The following KIF11 variants were observed in gnomAD, a reference collection of about 807,000 sequenced individuals.
The protein encoded by KIF11 is kinesin family member 11.
KIF11 carries 9 observed loss-of-function variants against 121.0 expected under a neutral mutation model. The ratio of observed to expected loss-of-function variants is 0.07; its 90% CI spans 0.04 to 0.13. The LOEUF (loss-of-function observed/expected upper bound fraction) is 0.13, where lower values mean the gene tolerates loss of function less well. KIF11 is among the 10% of genes least tolerant of loss of function. KIF11 has a pLI of 1.00. For missense variants in KIF11, 846 were observed against 1,217.5 expected (o/e 0.69, Z 4.54); for synonymous variants, 408 against 421.0 (o/e 0.97, Z 0.38).
In KIF11 at chr10:92,653,742, A is replaced by G. The variant is rs756899107; in HGVS notation, c.3117A>G (p.Thr1039=). 6 of 1,613,862 alleles carry G rather than the reference A, an allele frequency of 3.7e-6. 1 individual carries two copies. In the South Asian group the frequency reaches 5.5e-5, roughly 15 times the overall value. The change falls in exon 22 of 22, where the codon ACA becomes ACG. Residue 1039 remains threonine, a synonymous_variant. Transcript: ENST00000260731. ...TLERSKVEET[T]EHLVTKSRLP... ...AGAGGTCTAAAGTGGAAGAAACTAC[A>G]GAGCACTTGGTTACAAAGAGCAGAT...
At chr10:92,608,230 G>T (rs1415328681) in intron 4 of KIF11, among the ~76,000 whole-genome samples, 2 of 150,470 alleles carry the variant, frequency 1.3e-5, no homozygotes, top group African/African-American at 4.9e-5. Flanking sequence ...TCCCACTTCA[G>T]CCTCCTGAGT....
intron 9 of KIF11, among the ~76,000 whole-genome samples, chr10:92,620,804 T>C (rs1844608406): frequency 6.6e-6 from 1 of 152,166 alleles, no homozygotes; most frequent in Non-Finnish European, 1.5e-5. Flanking sequence ...TGAGACCCAT[T>C]CCCTGTAATG....
chr10:92,645,758 C>A, intron 18 of KIF11, 116 bp downstream of exon 18: 5 of 788,796 alleles, frequency 6.3e-6, no homozygotes, highest in Non-Finnish European at 9.9e-6. Flanking sequence ...ATGACTTAAA[C>A]TTTTAAGTAT....
chr10:92,614,065 C>CACACACACACACAT lies in KIF11; in HGVS notation c.1032+447_1032+448insCACACACACACATA, dbSNP rs1491391031. Among the ~76,000 whole-genome samples the CACACACACACACAT allele has an allele frequency of 2.1e-3, 246 of 116,474 alleles. 3 individuals carry two copies. Among genetic ancestry groups the CACACACACACACAT allele is most frequent in the African/African-American group, 8.3e-3 (234 of 28,272 alleles). The allele number at this position is 116,474 out of a possible 152,430, so 76.4% of individuals were successfully genotyped here. A position where few individuals can be genotyped will look rare whatever the true frequency, so the allele number is the denominator to read the frequency against. On this transcript the variant is annotated intron_variant, in intron 8 of 21. Transcript: ENST00000260731. ...ACACACACACACACACACACACACA[C>CACACACACACACAT]ATATAGTAGGGAAAAAAAGTTCATT... is the stretch of plus-strand genomic sequence containing the variant.
chr10:92,634,088 A>G (rs911686595), intron 14 of KIF11, among the ~76,000 whole-genome samples: 3 of 151,732 alleles, frequency 2.0e-5, no homozygotes, highest in Non-Finnish European at 4.4e-5. Flanking sequence ...GGTTCATGCC[A>G]TTCTCCTGCC....
At position 92,655,222 on chromosome 10, in the gene KIF11, T is replaced by C. The variant is rs982996393; in HGVS notation, c.*1426T>C. 1.3e-5 allele frequency: 2 copies of C among 152,364 alleles called. No homozygotes were observed. The highest frequency in any genetic ancestry group is 4.8e-5 in the African/African-American group (2 of 41,448). The allele number at this position is 152,364 out of a possible 1,614,324, so 9.4% of individuals were successfully genotyped here. A position where few individuals can be genotyped will look rare whatever the true frequency, so the allele number is the denominator to read the frequency against. On this transcript the variant is annotated 3_prime_UTR_variant, in exon 22 of 22. Transcript: ENST00000260731. Reference sequence around the variant, plus strand: ...GATAGCTAAATTAAACCAAACCCTATTGAAGAATTGAATATATGCTACTTC... The same window carrying C: ...GATAGCTAAATTAAACCAAACCCTACTGAAGAATTGAATATATGCTACTTC...
chr10:92,645,465 T>A lies in KIF11; in HGVS notation c.2370T>A (p.Gly790=). The A allele has an allele frequency of 6.2e-7, 1 of 1,613,994 alleles. No individual in the cohort carries two copies. The highest frequency in any genetic ancestry group is 8.5e-7 in the Non-Finnish European group (1 of 1,179,896). The change falls in exon 18 of 22, where the codon GGT becomes GGA. Residue 790 remains glycine (G), a synonymous_variant. Coordinates refer to ENST00000260731, the MANE Select transcript of KIF11 (RefSeq NM_004523.4). The part of the protein sequence containing the change: ...SQELRNFNQE[G]TKLVEESVKH... ...AACTCAGAAATTTTAACCAAGAAGG[T>A]ACAAAATTGGTTGAAGAATCTGTGA...
At chr10:92,648,543 T>C in intron 19 of KIF11, 109 bp downstream of exon 19, 4 of 638,492 alleles carry the variant, frequency 6.3e-6, no homozygotes, top group Non-Finnish European at 1.1e-5. Flanking sequence ...GACAGAAATT[T>C]AACATCTCAC....
chr10:92,652,588 C>T (rs1264638408), intron 21 of KIF11, among the ~76,000 whole-genome samples: 1 of 152,166 alleles, frequency 6.6e-6, no homozygotes, highest in Non-Finnish European at 1.5e-5. Flanking sequence ...CAAATTCTTG[C>T]CACCTTTTGC....
intron 9 of KIF11, among the ~76,000 whole-genome samples, chr10:92,617,178 G>A (rs1844565934): frequency 6.6e-6 from 1 of 152,120 alleles, no homozygotes; most frequent in Non-Finnish European, 1.5e-5. Flanking sequence ...ACAGAGTTGT[G>A]GAGTATAACC....
intron 1 of KIF11, among the ~76,000 whole-genome samples, chr10:92,602,915 G>A (rs550623637): frequency 5.0e-4 from 76 of 151,276 alleles, no homozygotes; most frequent in African/African-American, 1.6e-3. Flanking sequence ...GGGTGCAATG[G>A]CGCGATCTCG....
At chr10:92,640,607 A>C (rs1844854697) in intron 17 of KIF11, among the ~76,000 whole-genome samples, 1 of 151,358 alleles carries the variant, frequency 6.6e-6, no homozygotes, top group Non-Finnish European at 1.5e-5. Context: ...AATTTTTTGT[A>C]TTTTTAGTAG....
At position 92,649,930 on chromosome 10, in the gene KIF11, C is replaced by G. The variant is rs1367664894; in HGVS notation, c.2866C>G (p.Pro956Ala). ...HLLDQLKRKQ[P>A]ELLMMLNCSE... ...CCTTGATCAGCTGAAAAGGAAACAG[C>G]CTGAGCTGTTAATGATGCTAAACTG... Residue 956 changes from proline to alanine, a missense_variant, in exon 20 of 22, where the codon CCT (proline) becomes GCT (alanine). Physicochemically the swap from Pro to Ala is conservative, Grantham distance 27. Coordinates refer to ENST00000260731, the MANE Select transcript of KIF11 (RefSeq NM_004523.4). 17 of 1,613,188 alleles carry G rather than the reference C, an allele frequency of 1.1e-5. No homozygotes were observed. The highest frequency in any genetic ancestry group is 1.4e-5 in the Non-Finnish European group (17 of 1,179,382).
intron 17 of KIF11, among the ~76,000 whole-genome samples, chr10:92,641,109 A>G (rs1844862111): frequency 6.6e-6 from 1 of 152,168 alleles, no homozygotes; most frequent in Non-Finnish European, 1.5e-5. Context: ...TACTTAACAT[A>G]CACTACAGTC....
chr10:92,652,744 T>C (rs957852518), intron 21 of KIF11, among the ~76,000 whole-genome samples: 1 of 152,338 alleles, frequency 6.6e-6, no homozygotes, highest in African/African-American at 2.4e-5. Context: ...ATTATTATTA[T>C]CTGTGGCATT....
At chr10:92,616,870 TG>T in intron 9 of KIF11, 38 bp downstream of exon 9, 2 of 1,137,542 alleles carry the variant, frequency 1.8e-6, no homozygotes, top group East Asian at 2.4e-5. Flanking sequence ...TAATCTTGTT[TG>T]ACAAATGTGA....
intron 6 of KIF11, among the ~76,000 whole-genome samples, chr10:92,610,592 A>G (rs376940814): frequency 6.6e-6 from 1 of 152,164 alleles, no homozygotes; most frequent in South Asian, 2.1e-4. Context: ...AAAGCAATGG[A>G]TTGCAATTAG....
chr10:92,612,850 A>T (rs1844512214), intron 6 of KIF11, among the ~76,000 whole-genome samples, 190 bp from the exon 7 acceptor site: 1 of 152,202 alleles, frequency 6.6e-6, no homozygotes, highest in East Asian at 1.9e-4. Context: ...GGCAGTAGAT[A>T]TGAGAAAACA....
At chr10:92,646,734 C>CA (rs1170417725) in intron 18 of KIF11, among the ~76,000 whole-genome samples, 1 of 152,110 alleles carries the variant, frequency 6.6e-6, no homozygotes, top group Non-Finnish European at 1.5e-5. Flanking sequence ...CTTACGAACT[C>CA]ATAAAAATTT....
Sources: gnomAD v4.1 joint callset for allele counts (sites outside exome capture counted in the v4.1 genomes callset) on GRCh38, gnomAD v4.1.1 for gene constraint, MANE v1.5 for transcripts, NCBI Gene and HGNC (gene_info 2026-07-23, HGNC 2026-07-21) for gene names.